Variants in NDST4 observed in about 807,000 individuals in gnomAD.
The protein encoded by NDST4 is N-heparan sulfate sulfotransferase 4.
Under a neutral mutation model 100.8 loss-of-function variants are expected in NDST4, and 63 were observed. That is an observed-to-expected ratio of 0.62 (90% CI 0.51 to 0.77). The LOEUF (loss-of-function observed/expected upper bound fraction) is 0.77. Among genes scored for constraint, NDST4 ranks in the 30% least tolerant of loss-of-function variants. The pLI is 0.00. For missense variants in NDST4, 943 were observed against 1,018.4 expected, an observed-to-expected ratio of 0.93 and a Z score of 1.01; for synonymous variants, 377 against 361.8, an observed-to-expected ratio of 1.04 and a Z score of -0.48.
intron 8 of NDST4, among the ~76,000 whole-genome samples, chr4:114,852,088 A>C (rs1723690319): frequency 6.6e-6 from 1 of 152,158 alleles, no homozygotes; most frequent in Admixed American, 6.5e-5. Context: ...AAATATTCTA[A>C]TTGAAAGTGT....
chr4:114,911,711 G>C lies in NDST4; in HGVS notation c.1536+23495C>G, dbSNP rs1211857566. Among the ~76,000 whole-genome samples the C allele has an allele frequency of 2.0e-5, 3 of 152,202 alleles. No homozygotes were observed. The East Asian group carries it at 5.8e-4, about 29-fold the overall frequency. On this transcript the variant is annotated intron_variant, in intron 6 of 13. Coordinates refer to ENST00000264363, the MANE Select transcript of NDST4 (RefSeq NM_022569.3). ...ATCATGAAAATATCGCGGGTATTGG[G>C]TATTTTTTCCTTTAAAACCTCAAAA...
Position 115,018,404 on chromosome 4 carries a change from C to T in NDST4, c.979-41130G>A, listed in dbSNP as rs1404891882. Among the ~76,000 whole-genome samples, 4 of 151,884 alleles carry T rather than the reference C, an allele frequency of 2.6e-5. No homozygotes were observed. The East Asian group carries it at 7.7e-4, about 29-fold the overall frequency. ...CTTTTTCCACATAAACAATATGGAG[C>T]TGATTTAAAAATTCTTAATAATATG... On this transcript the variant is annotated intron_variant, in intron 2 of 13. Coordinates refer to ENST00000264363, the MANE Select transcript of NDST4 (RefSeq NM_022569.3).
intron 4 of NDST4, among the ~76,000 whole-genome samples, chr4:114,941,711 T>G (rs948286993): frequency 1.3e-4 from 20 of 152,150 alleles, no homozygotes; most frequent in African/African-American, 4.8e-4. Flanking sequence ...TGTGGCAGCC[T>G]CAGAAATGGC....
chr4:115,036,147 A>C (rs1177885726), intron 2 of NDST4, among the ~76,000 whole-genome samples: 1 of 151,742 alleles, frequency 6.6e-6, no homozygotes, highest in Non-Finnish European at 1.5e-5. Context: ...TTTATAGCAA[A>C]AGCCTAACTT....
intron 2 of NDST4, among the ~76,000 whole-genome samples, chr4:114,998,160 C>G (rs943473519): frequency 1.6e-4 from 25 of 152,040 alleles, no homozygotes; most frequent in Non-Finnish European, 2.8e-4. Flanking sequence ...GTCATGCCCT[C>G]TAGTTTCAGA....
At chr4:114,843,831 C>T (rs906459839) in intron 10 of NDST4, among the ~76,000 whole-genome samples, 2 of 152,134 alleles carry the variant, frequency 1.3e-5, no homozygotes, top group African/African-American at 4.8e-5. Context: ...GTGATTTCAC[C>T]ATTTACATGG....
intron 1 of NDST4, among the ~76,000 whole-genome samples, chr4:115,106,260 T>C (rs1729831854): frequency 6.6e-6 from 1 of 152,148 alleles, no homozygotes; most frequent in Admixed American, 6.6e-5. Flanking sequence ...CACAGATAAC[T>C]GTTTCCTGGA....
intron 6 of NDST4, among the ~76,000 whole-genome samples, chr4:114,927,057 C>A (rs774779464): frequency 7.2e-5 from 11 of 151,940 alleles, no homozygotes; most frequent in Non-Finnish European, 1.2e-4. Context: ...TCTTTCTCTG[C>A]TTCCCTCAAT....
intron 4 of NDST4, among the ~76,000 whole-genome samples, chr4:114,944,717 A>C (rs550067452): frequency 7.2e-5 from 11 of 152,268 alleles, no homozygotes; most frequent in African/African-American, 2.4e-4. Context: ...TTATCACAGC[A>C]CCTTGGTGCC....
At chr4:114,985,751 C>T (rs575538334) in intron 2 of NDST4, among the ~76,000 whole-genome samples, 134 of 152,196 alleles carry the variant, frequency 8.8e-4, no homozygotes, top group Admixed American at 1.3e-3. Context: ...TAGTACCATG[C>T]TATTATTGAA....
Position 114,857,373 on chromosome 4 carries a change from A to G in NDST4, c.1720-4552T>C, listed in dbSNP as rs78979044. ...ATCATAAATTCAGGTATGTCCAGCA[A>G]CAATTCACTGTAAGATGGGAATGGT... On this transcript the variant is annotated intron_variant, in intron 7 of 13. Transcript: ENST00000264363. 1.2e-3 allele frequency among the ~76,000 whole-genome samples: 183 copies of G among 152,294 alleles called. 1 individual carries two copies. In the East Asian group the frequency reaches 0.034, roughly 28 times the overall value.
At position 114,845,856 on chromosome 4, in the gene NDST4, A is replaced by G. The variant is rs772387030; in HGVS notation, c.2082T>C (p.Ile694=). ...VPKAKIITIL[I]DPSDRAYSWY... Reference sequence around the variant, plus strand: ...AAGAGTATGCCCTGTCTGAGGGGTCAATGAGGATGGTGATGATCTTGGCTT... The same window carrying G: ...AAGAGTATGCCCTGTCTGAGGGGTCGATGAGGATGGTGATGATCTTGGCTT... The change falls in exon 10 of 14, where the codon ATT becomes ATC. Residue 694 remains isoleucine, a synonymous_variant. Transcript: ENST00000264363. The G allele has an allele frequency of 3.7e-6, 6 of 1,614,004 alleles. No homozygotes were observed. Among genetic ancestry groups the G allele is most frequent in the Non-Finnish European group, 5.1e-6 (6 of 1,179,946 alleles).
At chr4:115,089,129 G>A (rs761735955) in intron 1 of NDST4, among the ~76,000 whole-genome samples, 2 of 151,890 alleles carry the variant, frequency 1.3e-5, no homozygotes, top group South Asian at 4.1e-4. Flanking sequence ...CTACCCCAAG[G>A]TACAACTCAA....
Position 114,848,235 on chromosome 4 carries a change from G to T in NDST4, c.1920C>A (p.Asn640Lys). The change falls in exon 9 of 14, where the codon AAC becomes AAA. Residue 640 changes from asparagine (N) to lysine (K), a missense_variant. By Grantham distance (94) the Asn-to-Lys change is moderately conservative. This residue lies in a region of NDST4 where 526 missense variants were observed against 634.1 expected (regional missense o/e 0.83). Coordinates refer to ENST00000264363, the MANE Select transcript of NDST4 (RefSeq NM_022569.3). ...FEEVQFFNGN[N>K]YHKGIDWYMD... Reference sequence around the variant, plus strand: ...CTTACCAGTCTATTCCTTTGTGATAGTTGTTGCCATTAAAGAACTGAACTT... The same window carrying T: ...CTTACCAGTCTATTCCTTTGTGATATTTGTTGCCATTAAAGAACTGAACTT... 4.4e-6 allele frequency: 7 copies of T among 1,608,572 alleles called. No homozygotes were observed. Among genetic ancestry groups the T allele is most frequent in the Non-Finnish European group, 5.9e-6 (7 of 1,178,292 alleles).
At chr4:114,857,020 A>G (rs1723811889) in intron 7 of NDST4, among the ~76,000 whole-genome samples, 1 of 152,166 alleles carries the variant, frequency 6.6e-6, no homozygotes, top group Non-Finnish European at 1.5e-5. Flanking sequence ...CTAGAGCAAG[A>G]AAGGGGTAGG....
At chr4:114,892,537 C>T (rs922292094) in intron 6 of NDST4, among the ~76,000 whole-genome samples, 2 of 152,052 alleles carry the variant, frequency 1.3e-5, no homozygotes, top group East Asian at 1.9e-4. Flanking sequence ...TTTCACATCC[C>T]TACCACTTAA....
At chr4:114,979,537 C>A (rs1352155662) in intron 2 of NDST4, among the ~76,000 whole-genome samples, 3 of 151,436 alleles carry the variant, frequency 2.0e-5, no homozygotes, top group Admixed American at 1.3e-4. Context: ...TTGTCAGTAA[C>A]ATTTTTCCAA....
chr4:115,004,475 T>G (rs1056687553), intron 2 of NDST4, among the ~76,000 whole-genome samples: 1 of 152,196 alleles, frequency 6.6e-6, no homozygotes, highest in African/African-American at 2.4e-5. Flanking sequence ...TTCCCAAGTC[T>G]TAAGCTTTGG....
At chr4:114,922,266 G>A (rs1209434158) in intron 6 of NDST4, among the ~76,000 whole-genome samples, 2 of 152,196 alleles carry the variant, frequency 1.3e-5, no homozygotes, top group African/African-American at 2.4e-5. Context: ...CAAGATGGCA[G>A]GGTTTAATTG....
Sources: gnomAD v4.1 joint callset for allele counts (sites outside exome capture counted in the v4.1 genomes callset) on GRCh38, gnomAD v4.1.1 for gene constraint, gnomAD v4.1.1 regional missense constraint, MANE v1.5 for transcripts, NCBI Gene and HGNC (gene_info 2026-07-23, HGNC 2026-07-21) for gene names.